Variants in ARHGAP10 observed in about 807,000 individuals in gnomAD.
The protein encoded by ARHGAP10 is Rho GTPase activating protein 10.
Under a neutral mutation model 108.6 loss-of-function variants are expected in ARHGAP10, and 87 were observed. The observed-to-expected ratio is 0.80, with a 90% CI of 0.67 to 0.96. The LOEUF (loss-of-function observed/expected upper bound fraction) is 0.96, where lower values mean the gene tolerates loss of function less well. Among genes scored for constraint, ARHGAP10 ranks in the 40% least tolerant of loss-of-function variants. ARHGAP10 has a pLI of 0.00. For synonymous variants in ARHGAP10, 347 were observed against 341.1 expected, an observed-to-expected ratio of 1.02 and a Z score of -0.19; for missense variants, 939 against 954.5, an observed-to-expected ratio of 0.98 and a Z score of 0.21.
chr4:147,743,307 A>G (rs115063039), intron 1 of ARHGAP10, among the ~76,000 whole-genome samples: 2,015 of 152,244 alleles, frequency 0.013, 37 homozygotes, highest in African/African-American at 0.046. Context: ...CTGAGATTAC[A>G]GGTGTAAGCC....
intron 1 of ARHGAP10, among the ~76,000 whole-genome samples, chr4:147,818,163 T>C (rs1261849593): frequency 6.6e-6 from 1 of 150,542 alleles, no homozygotes; most frequent in Non-Finnish European, 1.5e-5. Flanking sequence ...TTCTTCTTTT[T>C]CTTTTTTTTT....
intron 20 of ARHGAP10, among the ~76,000 whole-genome samples, chr4:148,060,159 A>G (rs1322367558): frequency 6.6e-6 from 1 of 152,166 alleles, no homozygotes; most frequent in Non-Finnish European, 1.5e-5. Context: ...AAATGTTTTA[A>G]ATAAAAGAAG....
At chr4:147,941,988 G>A (rs1417794413) in intron 14 of ARHGAP10, among the ~76,000 whole-genome samples, 1 of 152,028 alleles carries the variant, frequency 6.6e-6, no homozygotes, top group Non-Finnish European at 1.5e-5. Flanking sequence ...CCAAAAAAAG[G>A]GTTTTAGAGT....
At chr4:148,016,895 G>T (rs1741369725) in intron 18 of ARHGAP10, among the ~76,000 whole-genome samples, 1 of 151,074 alleles carries the variant, frequency 6.6e-6, no homozygotes, top group Admixed American at 6.6e-5. Context: ...AAGGGACATT[G>T]CATACTTTGG....
intron 1 of ARHGAP10, among the ~76,000 whole-genome samples, chr4:147,781,805 T>C (rs1579036485): frequency 6.6e-6 from 1 of 152,200 alleles, no homozygotes; most frequent in East Asian, 1.9e-4. Context: ...TTCCAGCTAT[T>C]TGTTATTATA....
At chr4:147,830,751 C>A (rs1732926383) in intron 3 of ARHGAP10, among the ~76,000 whole-genome samples, 1 of 152,154 alleles carries the variant, frequency 6.6e-6, no homozygotes, top group African/African-American at 2.4e-5. Flanking sequence ...AACTCGTGAT[C>A]TCACGTGATC....
chr4:147,937,074 C>G (rs549725788), intron 13 of ARHGAP10, among the ~76,000 whole-genome samples: 1 of 152,188 alleles, frequency 6.6e-6, no homozygotes, highest in Non-Finnish European at 1.5e-5. Context: ...CCATCCCCCC[C>G]ACCCCAATCG....
intron 19 of ARHGAP10, among the ~76,000 whole-genome samples, chr4:148,034,453 G>A (rs1728284920): frequency 6.6e-6 from 1 of 151,698 alleles, no homozygotes; most frequent in African/African-American, 2.4e-5. Context: ...GAGTAGCTGG[G>A]ATTACAGGCC....
rs555676549 is a variant in ARHGAP10 at position 147,954,229 on chromosome 4, T to C, written c.1392-1087T>C. On this transcript the variant is annotated intron_variant, in intron 15 of 22. Transcript: ENST00000336498. ...GCCAGTTGGATTAAGTTGGTTGATA[T>C]TTTTGTTCAAATCTTCTGTATCCTG... 2.4e-4 allele frequency among the ~76,000 whole-genome samples: 36 copies of C among 152,140 alleles called. 1 individual carries two copies. The highest frequency in any genetic ancestry group is 7.2e-4 in the African/African-American group (30 of 41,554).
At chr4:148,068,300 A>G (rs1354641744) in intron 22 of ARHGAP10, among the ~76,000 whole-genome samples, 2 of 152,180 alleles carry the variant, frequency 1.3e-5, no homozygotes, top group African/African-American at 4.8e-5. Context: ...CAACATCCAC[A>G]TGTAGATGTG....
At chr4:147,938,511 TC>T (rs1316078559) in intron 13 of ARHGAP10, among the ~76,000 whole-genome samples, 3 of 152,170 alleles carry the variant, frequency 2.0e-5, no homozygotes, top group Admixed American at 1.3e-4. Flanking sequence ...TCATCTCATT[TC>T]CCTCCCAGCA....
At chr4:147,875,207 A>C in intron 8 of ARHGAP10, 57 bp downstream of exon 8, 1 of 1,474,418 alleles carries the variant, frequency 6.8e-7, no homozygotes, top group Non-Finnish European at 9.0e-7. Flanking sequence ...ATTATTGAAA[A>C]CTCTGCTATT....
intron 1 of ARHGAP10, among the ~76,000 whole-genome samples, chr4:147,754,309 G>A (rs1729282316): frequency 6.6e-6 from 1 of 152,206 alleles, no homozygotes. Context: ...CATACCATTT[G>A]TTGCTATTGT....
At chr4:148,011,450 G>A (rs1741169132) in intron 18 of ARHGAP10, among the ~76,000 whole-genome samples, 1 of 152,226 alleles carries the variant, frequency 6.6e-6, no homozygotes, top group African/African-American at 2.4e-5. Flanking sequence ...TGTTGAGCAC[G>A]GCACCTATGT....
intron 1 of ARHGAP10, among the ~76,000 whole-genome samples, chr4:147,800,031 A>T (rs1731513122): frequency 6.6e-6 from 1 of 152,114 alleles, no homozygotes; most frequent in South Asian, 2.1e-4. Flanking sequence ...TGTGGTTCCA[A>T]TGACAGTTTA....
At chr4:147,937,660 A>G (rs771711999) in intron 13 of ARHGAP10, among the ~76,000 whole-genome samples, 2 of 152,180 alleles carry the variant, frequency 1.3e-5, no homozygotes, top group Non-Finnish European at 2.9e-5. Context: ...ACTCAGCCTA[A>G]ATGCCCATCA....
chr4:148,018,647 C>T (rs902372558), intron 18 of ARHGAP10, among the ~76,000 whole-genome samples: 3 of 151,738 alleles, frequency 2.0e-5, no homozygotes, highest in African/African-American at 4.8e-5. Context: ...AATGCATTCT[C>T]AGAACATGTA....
At chr4:147,946,268 C>A in intron 14 of ARHGAP10, 1 of 192,418 alleles carries the variant, frequency 5.2e-6, no homozygotes, top group Non-Finnish European at 1.0e-5. Flanking sequence ...GTGCCGCTTG[C>A]TATAAGCCAA....
intron 10 of ARHGAP10, among the ~76,000 whole-genome samples, chr4:147,895,746 T>G (rs1220277370): frequency 1.3e-5 from 2 of 152,116 alleles, no homozygotes; most frequent in African/African-American, 4.8e-5. Context: ...TTTATTTCTT[T>G]TACTTGCCTG....
Sources: allele counts gnomAD v4.1 joint callset (sites outside exome capture counted in the v4.1 genomes callset), GRCh38; gene constraint gnomAD v4.1.1; transcripts MANE v1.5; gene names NCBI Gene and HGNC (gene_info 2026-07-23, HGNC 2026-07-21).